Variants in GNA14 observed in about 807,000 individuals in gnomAD.
The protein encoded by GNA14 is guanine nucleotide-binding protein subunit alpha-14.
GNA14 carries 50 observed loss-of-function variants against 42.0 expected under a neutral mutation model. The ratio of observed to expected loss-of-function variants is 1.19; its 90% CI spans 0.95 to 1.51. GNA14 has a LOEUF of 1.51. Among genes scored for constraint, GNA14 ranks in the 40% most tolerant of loss-of-function variants. The pLI, the probability that GNA14 is intolerant of heterozygous loss-of-function variation, is 0.00. For synonymous variants in GNA14, 173 were observed against 163.1 expected (o/e 1.06, Z -0.46); for missense variants, 473 against 446.2 (o/e 1.06, Z -0.54).
chr9:77,463,272 G>A (rs734470), intron 2 of GNA14, among the ~76,000 whole-genome samples: 1,829 of 152,168 alleles, frequency 0.012, 40 homozygotes, highest in African/African-American at 0.042. Context: ...AATCAGATGC[G>A]GCAACAGTGC....
chr9:77,603,758 G>A (rs566522100), intron 1 of GNA14, among the ~76,000 whole-genome samples: 3 of 152,086 alleles, frequency 2.0e-5, no homozygotes, highest in African/African-American at 7.2e-5. Context: ...GAGGTCAGGA[G>A]ATTGAGACTA....
At chr9:77,424,384 A>G (rs996257134) in intron 6 of GNA14, among the ~76,000 whole-genome samples, 1 of 152,028 alleles carries the variant, frequency 6.6e-6, no homozygotes, top group Admixed American at 6.6e-5. Context: ...CACCACACAC[A>G]GCTAATTTTT....
At chr9:77,566,835 C>T (rs7849646) in intron 1 of GNA14, among the ~76,000 whole-genome samples, 98,019 of 152,018 alleles carry the variant, frequency 0.64, 32,590 homozygotes, top group African/African-American at 0.81. Context: ...ACTAACTGAC[C>T]AGTATATCTC....
intron 2 of GNA14, among the ~76,000 whole-genome samples, chr9:77,507,122 G>C (rs1051736753): frequency 1.9e-4 from 29 of 152,316 alleles, no homozygotes; most frequent in African/African-American, 6.5e-4. Flanking sequence ...TAAGTCTTCA[G>C]GCCACAACTA....
intron 2 of GNA14, among the ~76,000 whole-genome samples, chr9:77,493,425 A>C (rs1302274453): frequency 2.6e-5 from 4 of 152,206 alleles, no homozygotes; most frequent in Non-Finnish European, 5.9e-5. Flanking sequence ...TACTCTGATC[A>C]TAAAGTACCA....
At chr9:77,438,765 A>AAC (rs56923178) in intron 2 of GNA14, among the ~76,000 whole-genome samples, 1 of 152,180 alleles carries the variant, frequency 6.6e-6, no homozygotes, top group African/African-American at 2.4e-5. Context: ...CATGTGGGCC[A>AAC]ACACACACAG....
intron 2 of GNA14, among the ~76,000 whole-genome samples, chr9:77,519,730 A>G (rs1170186339): frequency 1.3e-5 from 2 of 152,036 alleles, no homozygotes; most frequent in African/African-American, 4.8e-5. Context: ...GAAAGCCCAG[A>G]CCAGACATGG....
intron 1 of GNA14, among the ~76,000 whole-genome samples, chr9:77,624,454 G>A (rs1416065532): frequency 2.0e-5 from 3 of 152,162 alleles, no homozygotes; most frequent in Non-Finnish European, 4.4e-5. Context: ...GTGGGTCCCT[G>A]ACTCCCATGC....
chr9:77,436,634 C>G (rs762702109), intron 2 of GNA14, among the ~76,000 whole-genome samples: 2 of 152,144 alleles, frequency 1.3e-5, no homozygotes, highest in Non-Finnish European at 2.9e-5. Context: ...TCGCCACGCT[C>G]TTGCTTTCCC....
chr9:77,478,232 G>C (rs1229892355), intron 2 of GNA14, among the ~76,000 whole-genome samples: 1 of 146,538 alleles, frequency 6.8e-6, no homozygotes, highest in Non-Finnish European at 1.5e-5. Flanking sequence ...CTGTGTCCAT[G>C]TGTTCGCATT....
chr9:77,582,379 C>G (rs1587837807), intron 1 of GNA14, among the ~76,000 whole-genome samples: 2 of 152,326 alleles, frequency 1.3e-5, no homozygotes, highest in East Asian at 1.9e-4. Context: ...AACCTCTCCC[C>G]CTCCCCTACT....
chr9:77,580,302 C>A, intron 1 of GNA14: 1 of 326,162 alleles, frequency 3.1e-6, no homozygotes, highest in Non-Finnish European at 6.4e-6. Flanking sequence ...ACATTACTAC[C>A]AGTTATTTGA....
intron 2 of GNA14, among the ~76,000 whole-genome samples, chr9:77,440,777 G>A (rs1041565014): frequency 5.3e-5 from 8 of 151,898 alleles, no homozygotes; most frequent in Admixed American, 3.3e-4. Flanking sequence ...GTGCAGTGGC[G>A]CAATCTCGGT....
intron 1 of GNA14, among the ~76,000 whole-genome samples, chr9:77,550,727 G>A (rs1408336693): frequency 6.6e-6 from 1 of 152,206 alleles, no homozygotes; most frequent in Non-Finnish European, 1.5e-5. Context: ...ACACATGGAA[G>A]TTCAAAGAGA....
At chr9:77,560,959 A>G (rs1822873768) in intron 1 of GNA14, among the ~76,000 whole-genome samples, 1 of 152,192 alleles carries the variant, frequency 6.6e-6, no homozygotes, top group Non-Finnish European at 1.5e-5. Flanking sequence ...TTTCTAGCTG[A>G]CATCTAGCTA....
At chr9:77,637,364 G>T (rs1226333931) in intron 1 of GNA14, among the ~76,000 whole-genome samples, 1 of 151,918 alleles carries the variant, frequency 6.6e-6, no homozygotes, top group Non-Finnish European at 1.5e-5. Context: ...CACTGAAAAG[G>T]GAAAAAAACA....
chr9:77,554,112 G>T (rs1423034911), intron 1 of GNA14, among the ~76,000 whole-genome samples: 4 of 152,158 alleles, frequency 2.6e-5, no homozygotes, highest in Non-Finnish European at 5.9e-5. Context: ...GCCTCACCAT[G>T]AACAGGCTCT....
intron 1 of GNA14, among the ~76,000 whole-genome samples, chr9:77,641,722 T>C (rs1219455601): frequency 5.3e-5 from 8 of 151,928 alleles, no homozygotes; most frequent in African/African-American, 1.9e-4. Context: ...GTACTGGAGG[T>C]GGGGGAACAC....
intron 1 of GNA14, among the ~76,000 whole-genome samples, chr9:77,633,447 T>G (rs1824130261): frequency 6.6e-6 from 1 of 152,060 alleles, no homozygotes; most frequent in African/African-American, 2.4e-5. Flanking sequence ...AGAGGGTCAT[T>G]AGGGGACAGA....
Sources: allele counts gnomAD v4.1 joint callset (sites outside exome capture counted in the v4.1 genomes callset), GRCh38; gene constraint gnomAD v4.1.1; transcripts MANE v1.5; gene names NCBI Gene and HGNC (gene_info 2026-07-23, HGNC 2026-07-21).